The following GSPT1 variants were observed in gnomAD, a reference collection of about 807,000 sequenced individuals.
GSPT1 encodes the protein eukaryotic peptide chain release factor GTP-binding subunit ERF3A.
In GSPT1, 20 loss-of-function variants were observed where a neutral mutation model predicts 72.5. The ratio of observed to expected loss-of-function variants is 0.28; its 90% CI spans 0.19 to 0.40. GSPT1 has a LOEUF of 0.40. Ranked by LOEUF, GSPT1 falls within the 10% of genes least tolerant of loss-of-function variation. The pLI is 1.00. For missense variants in GSPT1, 580 were observed against 811.9 expected (o/e 0.71, Z 3.47); for synonymous variants, 334 against 293.5 (o/e 1.14, Z -1.41).
chr16:11,914,507 TTA>T, intron 1 of GSPT1, among the ~76,000 whole-genome samples: 1 of 152,208 alleles, frequency 6.6e-6, no homozygotes, highest in Non-Finnish European at 1.5e-5. Flanking sequence ...AACTATTAAA[TTA>T]TAACAAATGC....
intron 1 of GSPT1, chr16:11,915,021 C>T (rs1184782105): frequency 7.8e-7 from 1 of 1,290,084 alleles, no homozygotes; most frequent in Non-Finnish European, 1.0e-6. Context: ...TGTCCTCATT[C>T]TGCGCCTCGT....
In GSPT1 at chr16:11,869,135, T is replaced by G. The variant is rs1049676609; in HGVS notation, c.*3984A>C. 6.6e-6 allele frequency: 1 copy of G among 152,202 alleles called. No individual in the cohort carries two copies. The highest frequency in any genetic ancestry group is 3.2e-3 in the Middle Eastern group (1 of 316). 9.4% of individuals were successfully genotyped at this position (152,202 alleles called of 1,614,324 possible). A position where few individuals can be genotyped will look rare whatever the true frequency, so the allele number is the denominator to read the frequency against. On this transcript the variant is annotated 3_prime_UTR_variant, in exon 15 of 15. Coordinates refer to ENST00000434724, the MANE Select transcript of GSPT1 (RefSeq NM_002094.4). Reference sequence around the variant, plus strand: ...ACCAAATCTACCTGAACTGAACTGATAGTAAACTGGGTCAAATGGAATCCA... The same window carrying G: ...ACCAAATCTACCTGAACTGAACTGAGAGTAAACTGGGTCAAATGGAATCCA...
At chr16:11,897,930 C>G in intron 2 of GSPT1, 49 bp from the exon 3 acceptor site, 1 of 1,431,536 alleles carries the variant, frequency 7.0e-7, no homozygotes, top group African/African-American at 1.4e-5. Flanking sequence ...CAGTATCTAG[C>G]TTTACACACC....
At chr16:11,891,664 A>G in intron 5 of GSPT1, among the ~76,000 whole-genome samples, 1 of 124,528 alleles carries the variant, frequency 8.0e-6, no homozygotes, top group South Asian at 2.6e-4. Context: ...GCCTGGCCAT[A>G]TTTTTTTTTT....
At chr16:11,904,266 A>C (rs1409121247) in intron 1 of GSPT1, 2 of 152,220 alleles carry the variant, frequency 1.3e-5, no homozygotes, top group East Asian at 3.9e-4. Context: ...GCAGTGGTGC[A>C]ATCTCGGCTT....
chr16:11,890,175 T>C (rs1437907650), intron 6 of GSPT1, among the ~76,000 whole-genome samples: 1 of 151,696 alleles, frequency 6.6e-6, no homozygotes, highest in Non-Finnish European at 1.5e-5. Context: ...TTAGCCAGGA[T>C]GGTCTCGATC....
intron 14 of GSPT1, among the ~76,000 whole-genome samples, chr16:11,874,934 G>A (rs2054022441): frequency 6.6e-6 from 1 of 152,226 alleles, no homozygotes; most frequent in Admixed American, 6.5e-5. Context: ...GCTCACGCCT[G>A]TAATCCCAGC....
upstream of GSPT1, chr16:11,916,138 C>A: frequency 2.6e-6 from 1 of 383,084 alleles, no homozygotes; most frequent in African/African-American, 2.3e-5. Flanking sequence ...CCCGCGCTAC[C>A]CCGCTGCGGT....
intron 1 of GSPT1, chr16:11,904,107 T>C (rs1023017245): frequency 8.7e-6 from 2 of 231,002 alleles, no homozygotes; most frequent in South Asian, 7.9e-5. Context: ...AGGCCACACA[T>C]CTGAGGTTTT....
chr16:11,888,568 C>T (rs1338337236), intron 6 of GSPT1, among the ~76,000 whole-genome samples: 1 of 152,010 alleles, frequency 6.6e-6, no homozygotes, highest in Non-Finnish European at 1.5e-5. Context: ...TTGAGACCAT[C>T]CTGGCCAACA....
At chr16:11,908,925 G>C (rs1221772441) in intron 1 of GSPT1, 1 of 152,260 alleles carries the variant, frequency 6.6e-6, no homozygotes, top group East Asian at 1.9e-4. Flanking sequence ...ACTGCAGCCG[G>C]GGCAACAAAG....
chr16:11,915,108 G>A lies in GSPT1; in HGVS notation c.352+261C>T, dbSNP rs1038387201. The stretch of plus-strand genomic sequence containing the variant: ...GTGGGTAACTGCGGACTCCAGAGCA[G>A]GGCAGGGGCGCGGAGGGGCGGCACT... On this transcript the variant is annotated intron_variant, in intron 1 of 14. Coordinates refer to ENST00000434724, the MANE Select transcript of GSPT1 (RefSeq NM_002094.4). 5.2e-6 allele frequency: 6 copies of A among 1,155,584 alleles called. No homozygotes were observed. In the Admixed American group the frequency reaches 1.0e-4, roughly 19 times the overall value. 71.6% of individuals were successfully genotyped at this position (1,155,584 alleles called of 1,614,324 possible).
In GSPT1 at chr16:11,891,042, G is replaced by A. The variant is rs374980476; in HGVS notation, c.776+20C>T. 3 of 1,076,776 alleles carry A rather than the reference G, an allele frequency of 2.8e-6. No individual in the cohort carries two copies. The highest frequency in any genetic ancestry group is 4.1e-6 in the Non-Finnish European group (3 of 726,600). 66.7% of individuals were successfully genotyped at this position (1,076,776 alleles called of 1,614,324 possible). ...GTCTCCTTAAAAGTAATTTATAAGTGTCATAAAAGTTTACTATACCAAGTT... is the reference window on the plus strand; with the variant it reads ...GTCTCCTTAAAAGTAATTTATAAGTATCATAAAAGTTTACTATACCAAGTT... On this transcript the variant is annotated intron_variant, in intron 6 of 14. Coordinates refer to ENST00000434724, the MANE Select transcript of GSPT1 (RefSeq NM_002094.4).
intron 4 of GSPT1, among the ~76,000 whole-genome samples, chr16:11,896,203 C>T (rs563851112): frequency 7.2e-5 from 11 of 152,136 alleles, no homozygotes; most frequent in Non-Finnish European, 1.6e-4. Flanking sequence ...AAGGTCAATC[C>T]CATTAAAATT....
At chr16:11,887,823 A>C in intron 6 of GSPT1, 73 bp from the exon 7 acceptor site, 1 of 1,001,142 alleles carries the variant, frequency 1.0e-6, no homozygotes, top group Non-Finnish European at 1.5e-6. Context: ...TCACCATTAA[A>C]GATATAATGG....
Position 11,915,788 on chromosome 16 carries a change from G to A in GSPT1, c.-68C>T. On this transcript the variant is annotated 5_prime_UTR_variant, in exon 1 of 15. Coordinates refer to ENST00000434724, the MANE Select transcript of GSPT1 (RefSeq NM_002094.4). Reference sequence around the variant, plus strand: ...GGAGGCAGGGGCGCCCGGCCGGAGAGGAGTGGGCAACGCTGACTGAGGGAA... The same window carrying A: ...GGAGGCAGGGGCGCCCGGCCGGAGAAGAGTGGGCAACGCTGACTGAGGGAA... 5.1e-6 allele frequency: 8 copies of A among 1,579,648 alleles called. No homozygotes were observed. Among genetic ancestry groups the A allele is most frequent in the Non-Finnish European group, 6.8e-6 (8 of 1,168,622 alleles).
intron 1 of GSPT1, among the ~76,000 whole-genome samples, chr16:11,900,568 A>C (rs2054393745): frequency 6.6e-6 from 1 of 152,166 alleles, no homozygotes; most frequent in Non-Finnish European, 1.5e-5. Context: ...ATACAGGCAC[A>C]TCAGAATCAA....
At chr16:11,915,153 GCGCTGCCCGCTGTC>G (rs1391622888) in intron 1 of GSPT1, 1 of 1,034,486 alleles carries the variant, frequency 9.7e-7, no homozygotes. Flanking sequence ...GTCTTTGGGC[GCGCTGCCCGCTGTC>G]CGCTCCCCGC....
intron 12 of GSPT1, among the ~76,000 whole-genome samples, chr16:11,876,486 T>G (rs2054048160): frequency 6.6e-6 from 1 of 152,076 alleles, no homozygotes; most frequent in South Asian, 2.1e-4. Context: ...TCTCAGCACT[T>G]TGGGAGGCCG....
Sources: gnomAD v4.1 joint callset for allele counts (sites outside exome capture counted in the v4.1 genomes callset) on GRCh38, gnomAD v4.1.1 for gene constraint, MANE v1.5 for transcripts, NCBI Gene and HGNC (gene_info 2026-07-23, HGNC 2026-07-21) for gene names.